PCDHAC2: variants seen among roughly 807,000 people sequenced by gnomAD.
The protein encoded by PCDHAC2 is protocadherin alpha-C2.
In PCDHAC2, 24 loss-of-function variants were observed where a neutral mutation model predicts 63.3. That is an observed-to-expected ratio of 0.38 (90% CI 0.27 to 0.53). The LOEUF (loss-of-function observed/expected upper bound fraction) is 0.53, where lower values mean the gene tolerates loss of function less well. Among genes scored for constraint, PCDHAC2 ranks in the 20% least tolerant of loss-of-function variants. The pLI, the probability that PCDHAC2 is intolerant of heterozygous loss-of-function variation, is 0.81. For synonymous variants in PCDHAC2, 569 were observed against 529.4 expected (o/e 1.07, Z -1.03); for missense variants, 1,181 against 1,275.2 (o/e 0.93, Z 1.12).
chr5:140,971,203 T>A (rs1586466173), intron 1 of PCDHAC2, among the ~76,000 whole-genome samples: 2 of 152,308 alleles, frequency 1.3e-5, no homozygotes, highest in Middle Eastern at 6.8e-3. Context: ...GGAAAGACAC[T>A]GTTACCCTCC....
At chr5:140,970,156 T>C (rs933887683) in intron 1 of PCDHAC2, among the ~76,000 whole-genome samples, 6 of 152,188 alleles carry the variant, frequency 3.9e-5, no homozygotes, top group African/African-American at 1.4e-4. Context: ...CTCCCAATAG[T>C]CACCTTTCTT....
chr5:140,995,102 C>A (rs976806158), intron 3 of PCDHAC2, among the ~76,000 whole-genome samples: 3 of 152,312 alleles, frequency 2.0e-5, no homozygotes, highest in Middle Eastern at 6.8e-3. Context: ...GAGATACATT[C>A]CAAGACCCTC....
chr5:140,994,229 A>G (rs1488908759), intron 3 of PCDHAC2, among the ~76,000 whole-genome samples: 3 of 152,188 alleles, frequency 2.0e-5, no homozygotes, highest in African/African-American at 7.2e-5. Flanking sequence ...TGTCTATGTT[A>G]TAATCAATTC....
chr5:140,997,668 T>TTGTGTGTG lies in PCDHAC2; in HGVS notation c.2714-11937_2714-11930dup, dbSNP rs35184029. 2.7e-3 allele frequency among the ~76,000 whole-genome samples: 400 copies of TTGTGTGTG among 148,342 alleles called. 5 individuals carry two copies. The East Asian group carries it at 0.038, about 14-fold the overall frequency. The stretch of plus-strand genomic sequence containing the variant: ...AATGCAATATGTATTATTATACAGC[T>TTGTGTGTG]TGTGTGTGTGTGTGTGTGTGTGTGT... On this transcript the variant is annotated intron_variant, in intron 3 of 3. Transcript: ENST00000289269.
At chr5:140,982,878 C>T (rs2097013352) in intron 3 of PCDHAC2, among the ~76,000 whole-genome samples, 1 of 151,992 alleles carries the variant, frequency 6.6e-6, no homozygotes, top group South Asian at 2.1e-4. Flanking sequence ...TCATCCAAGC[C>T]ATGCAGAGAA....
chr5:140,969,253 C>G lies in PCDHAC2; in HGVS notation c.2487C>G (p.Ser829Arg), dbSNP rs200334724. The change falls in exon 1 of 4, where the codon AGC (serine) becomes AGG (arginine). Residue 829 changes from serine (S) to arginine (R), a missense_variant. Around this residue, in one of 3 missense-constraint regions of PCDHAC2, gnomAD observed 968 missense variants for 1,073.5 expected, o/e 0.90. Coordinates refer to ENST00000289269, the MANE Select transcript of PCDHAC2 (RefSeq NM_018899.6). ...GAGCCCAAGCAGCAGTGACTGACAG[C>G]AGGAATCTCACAGGCCAAAGTGGTC... ...PSGAQAAVTDSRNLTGQSGQN... is the reference protein window; with the variant it reads ...PSGAQAAVTDRRNLTGQSGQN... 12 of 1,614,084 alleles carry G rather than the reference C, an allele frequency of 7.4e-6. No individual in the cohort carries two copies. Among genetic ancestry groups the G allele is most frequent in the Non-Finnish European group, 8.5e-7 (1 of 1,180,054 alleles).
rs10602499 is a variant in PCDHAC2 at position 140,992,017 on chromosome 5, C to CTGTGTGTGTG, written c.2713+9482_2713+9491dup. Among the ~76,000 whole-genome samples, 121 of 145,620 alleles carry CTGTGTGTGTG rather than the reference C, an allele frequency of 8.3e-4. 2 individuals are homozygous for CTGTGTGTGTG. The highest frequency in any genetic ancestry group is 3.5e-3 in the Middle Eastern group (1 of 288). ...CTTTCATGTTCAGGCAGAGGTGGCT[C>CTGTGTGTGTG]TGTGTGTGTGTGTGTGTGTGTGTGT... On this transcript the variant is annotated intron_variant, in intron 3 of 3. Transcript: ENST00000289269.
rs1237134609 is a variant in PCDHAC2 at position 141,011,353 on chromosome 5, A to T, written c.*1416A>T. 6.5e-6 allele frequency: 1 copy of T among 153,692 alleles called. No homozygotes were observed. The highest frequency in any genetic ancestry group is 1.5e-5 in the Non-Finnish European group (1 of 68,032). The allele number at this position is 153,692 out of a possible 1,614,324, so 9.5% of individuals were successfully genotyped here. On this transcript the variant is annotated 3_prime_UTR_variant, in exon 4 of 4. Coordinates refer to ENST00000289269, the MANE Select transcript of PCDHAC2 (RefSeq NM_018899.6). ...ATGTTACCTGAAATCAATCTCCCAT[A>T]TGTATGCTGTATGCTATGCTAAGAC...
intron 3 of PCDHAC2, among the ~76,000 whole-genome samples, chr5:140,997,668 T>TTGTGTGTGTGTGTGTGTGTG (rs35184029): frequency 6.7e-6 from 1 of 148,244 alleles, no homozygotes; most frequent in African/African-American, 2.5e-5. Context: ...ATTATACAGC[T>TTGTGTGTGTGTGTGTGTGTG]TGTGTGTGTG....
In PCDHAC2 at chr5:140,987,930, G is replaced by T. The variant is rs554856826; in HGVS notation, c.2713+5367G>T. Among the ~76,000 whole-genome samples, 18 of 152,196 alleles carry T rather than the reference G, an allele frequency of 1.2e-4. No individual in the cohort carries two copies. The South Asian group carries it at 2.1e-3, about 18-fold the overall frequency. Reference sequence around the variant, plus strand: ...GATTTATATTCTTAATTGTCTCAAGGATTCTTACCTGTCTGACAAAACCAA... The same window carrying T: ...GATTTATATTCTTAATTGTCTCAAGTATTCTTACCTGTCTGACAAAACCAA... On this transcript the variant is annotated intron_variant, in intron 3 of 3. Transcript: ENST00000289269.
Position 141,010,422 on chromosome 5 carries a change from G to A in PCDHAC2, c.*485G>A. The A allele has an allele frequency of 8.7e-7, 1 of 1,145,442 alleles. No homozygotes were observed. Among genetic ancestry groups the A allele is most frequent in the Non-Finnish European group, 1.2e-6 (1 of 836,490 alleles). The allele number at this position is 1,145,442 out of a possible 1,614,324, so 71.0% of individuals were successfully genotyped here. A position where few individuals can be genotyped will look rare whatever the true frequency, so the allele number is the denominator to read the frequency against. On this transcript the variant is annotated 3_prime_UTR_variant, in exon 4 of 4. Transcript: ENST00000289269. ...AGCTTAGACTAATTGGTACAAGGAA[G>A]GCAAGAAAACAAAGACAAATAAACA... is the stretch of plus-strand genomic sequence containing the variant.
intron 3 of PCDHAC2, among the ~76,000 whole-genome samples, chr5:140,991,446 A>G (rs782325342): frequency 6.6e-6 from 1 of 152,202 alleles, no homozygotes; most frequent in Non-Finnish European, 1.5e-5. Flanking sequence ...ATGGCTTAAA[A>G]CAACACAATG....
chr5:141,000,415 ATATATATTTTTTT>A (rs1176788591), intron 3 of PCDHAC2, among the ~76,000 whole-genome samples: 1 of 87,398 alleles, frequency 1.1e-5, no homozygotes, highest in Non-Finnish European at 2.1e-5. Flanking sequence ...ATATATATAT[ATATATATTTTTTT>A]TTTTTTTTTT....
chr5:140,995,386 A>G (rs1156268381), intron 3 of PCDHAC2, among the ~76,000 whole-genome samples: 1 of 152,202 alleles, frequency 6.6e-6, no homozygotes, highest in Non-Finnish European at 1.5e-5. Context: ...TGGGCAGGAT[A>G]AAGCGGGATG....
At chr5:141,005,440 A>C (rs1174431656) in intron 3 of PCDHAC2, among the ~76,000 whole-genome samples, 3 of 152,112 alleles carry the variant, frequency 2.0e-5, no homozygotes, top group African/African-American at 7.2e-5. Flanking sequence ...TGAGAGGCTC[A>C]CGCCTGTAAT....
intron 3 of PCDHAC2, chr5:140,988,926 A>C (rs562175503): frequency 6.6e-6 from 1 of 152,238 alleles, no homozygotes; most frequent in Non-Finnish European, 1.5e-5. Flanking sequence ...ATAGAACAAC[A>C]CTGTTCTCTT....
intron 3 of PCDHAC2, among the ~76,000 whole-genome samples, chr5:140,994,342 T>C (rs571225967): frequency 1.3e-5 from 2 of 152,288 alleles, no homozygotes; most frequent in South Asian, 4.1e-4. Flanking sequence ...ACAGTGGATG[T>C]TGTGGGACCT....
Position 141,009,935 on chromosome 5 carries a change from T to TGAG in PCDHAC2, c.3024_*2dup. Reference sequence around the variant, plus strand: ...CAGCACGACTGACAACAGTGACCAGTGAGGTCCTCAAATGGAAACAAGCCA... The same window carrying TGAG: ...CAGCACGACTGACAACAGTGACCAGTGAGGAGGTCCTCAAATGGAAACAAGCCA... On this transcript the variant is annotated inframe_insertion and stop_retained_variant, in exon 4 of 4. Transcript: ENST00000289269. 6.2e-7 allele frequency: 1 copy of TGAG among 1,602,418 alleles called. No individual in the cohort carries two copies. The highest frequency in any genetic ancestry group is 8.5e-7 in the Non-Finnish European group (1 of 1,176,054).
chr5:141,003,589 A>G (rs781995684), intron 3 of PCDHAC2, among the ~76,000 whole-genome samples: 9 of 152,170 alleles, frequency 5.9e-5, no homozygotes, highest in Non-Finnish European at 1.3e-4. Context: ...CTGGGATTTT[A>G]GATGTGAGCC....
Sources: gnomAD v4.1 joint callset for allele counts (sites outside exome capture counted in the v4.1 genomes callset) on GRCh38, gnomAD v4.1.1 for gene constraint, gnomAD v4.1.1 regional missense constraint, MANE v1.5 for transcripts, NCBI Gene and HGNC (gene_info 2026-07-23, HGNC 2026-07-21) for gene names.